Variants in SH3GLB2 observed in about 807,000 individuals in gnomAD.
The protein encoded by SH3GLB2 is endophilin-B2.
In SH3GLB2, 24 loss-of-function variants were observed where a neutral mutation model predicts 48.0. That is an observed-to-expected ratio of 0.50 (90% CI 0.36 to 0.70). The LOEUF is 0.70. SH3GLB2 is among the 30% of genes least tolerant of loss of function. SH3GLB2 has a pLI of 0.00. For missense variants in SH3GLB2, 425 were observed against 516.0 expected (o/e 0.82, Z 1.71); for synonymous variants, 227 against 207.6 (o/e 1.09, Z -0.80).
intron 7 of SH3GLB2, 52 bp downstream of exon 7, chr9:129,010,618 G>A: frequency 3.7e-6 from 6 of 1,601,676 alleles, no homozygotes; most frequent in Non-Finnish European, 5.1e-6. Flanking sequence ...AAGTGTGCCT[G>A]CACCCCGCCA....
chr9:129,018,421 C>CA (rs534036146), intron 3 of SH3GLB2, among the ~76,000 whole-genome samples: 69 of 150,396 alleles, frequency 4.6e-4, no homozygotes, highest in African/African-American at 1.6e-3. Flanking sequence ...ACTAAAAACA[C>CA]AAAAAATTAG....
intron 1 of SH3GLB2, among the ~76,000 whole-genome samples, chr9:129,025,615 A>G (rs866074587): frequency 1.3e-5 from 2 of 149,402 alleles, no homozygotes; most frequent in East Asian, 2.0e-4. Context: ...CTAAGGGAGG[A>G]AGGAAGGAAG....
At position 129,014,914 on chromosome 9, in the gene SH3GLB2, C is replaced by CGA. The variant is rs751422339; in HGVS notation, c.335-11_335-10insTC. 6 of 1,612,254 alleles carry CGA rather than the reference C, an allele frequency of 3.7e-6. No individual in the cohort carries two copies. The East Asian group carries it at 1.3e-4, about 36-fold the overall frequency. On this transcript the variant is annotated splice_polypyrimidine_tract_variant and intron_variant, in intron 3 of 10. Transcript: ENST00000372564. This position sits in a 1 kb window ranked among gnomAD's most constrained non-coding sequence, Gnocchi z 4.1. ...TTGATCAGTGTCTTCCCTGAGAAAA[C>CGA]AGAGTTGAAGCGTGAGGAAGAAGGT...
chr9:129,010,739 G>T, intron 6 of SH3GLB2, 46 bp from the exon 7 acceptor site: 2 of 1,612,334 alleles, frequency 1.2e-6, no homozygotes, highest in Non-Finnish European at 1.7e-6. Flanking sequence ...GGGGAGAGGA[G>T]GACAGCTGGA....
chr9:129,028,046 G>A, intron 1 of SH3GLB2, 46 bp downstream of exon 1: 4 of 1,485,804 alleles, frequency 2.7e-6, no homozygotes, highest in East Asian at 2.9e-5. Context: ...CTCCCCGCCC[G>A]CCGCACATCC....
At position 129,025,159 on chromosome 9, in the gene SH3GLB2, C is replaced by T. The variant is rs142145997; in HGVS notation, c.64-2736G>A. On this transcript the variant is annotated intron_variant, in intron 1 of 10. Transcript: ENST00000372564. ...GACGTGGTGGTGGGCGCCTGTAATCCCACCTACTCGGGAGGCTGAGGCAGG... is the reference window on the plus strand; with the variant it reads ...GACGTGGTGGTGGGCGCCTGTAATCTCACCTACTCGGGAGGCTGAGGCAGG... Among the ~76,000 whole-genome samples the T allele has an allele frequency of 5.3e-5, 8 of 151,368 alleles. No individual in the cohort carries two copies. In the East Asian group the frequency reaches 1.4e-3, roughly 26 times the overall value.
chr9:129,018,359 C>CCT (rs55668629), intron 3 of SH3GLB2, among the ~76,000 whole-genome samples: 2 of 151,878 alleles, frequency 1.3e-5, no homozygotes, highest in Non-Finnish European at 2.9e-5. Context: ...GGGCGGATCA[C>CCT]AAGGTCAGGA....
intron 6 of SH3GLB2, 158 bp from the exon 7 acceptor site, chr9:129,010,851 G>T: frequency 2.3e-6 from 2 of 861,078 alleles, no homozygotes; most frequent in Non-Finnish European, 3.6e-6. Context: ...CCGAGGCCCG[G>T]CATGGGAGCT....
At chr9:129,017,877 G>A (rs1588324379) in intron 3 of SH3GLB2, among the ~76,000 whole-genome samples, 1 of 144,930 alleles carries the variant, frequency 6.9e-6, no homozygotes, top group African/African-American at 2.6e-5. Flanking sequence ...CAGCCTGGGC[G>A]ACAGAGCGAG....
rs775385922 is a variant in SH3GLB2 at position 129,009,836 on chromosome 9, C to T, written c.774G>A (p.Lys258=). Residue 258 remains lysine (K), a synonymous_variant, in exon 9 of 11, where the codon AAG becomes AAA. Transcript: ENST00000372564. The part of the protein sequence containing the change: ...NHLRCLHEFV[K]SQTTYYAQCY... The stretch of plus-strand genomic sequence containing the variant: ...ACTGTGCGTAGTAGGTTGTCTGAGA[C>T]TTGACGAACTCGTGGAGGCAGCGCA... The T allele has an allele frequency of 1.2e-6, 2 of 1,614,076 alleles. No homozygotes were observed. The highest frequency in any genetic ancestry group is 1.7e-6 in the Non-Finnish European group (2 of 1,179,972).
rs1167257691 is a variant in SH3GLB2, at chr9:129,028,205, C to A, written c.-51G>T. 10 of 1,162,404 alleles carry A rather than the reference C, an allele frequency of 8.6e-6. No individual in the cohort carries two copies. Among genetic ancestry groups the A allele is most frequent in the Non-Finnish European group, 1.1e-5 (10 of 943,772 alleles). The allele number at this position is 1,162,404 out of a possible 1,614,324, so 72.0% of individuals were successfully genotyped here. A position where few individuals can be genotyped will look rare whatever the true frequency, so the allele number is the denominator to read the frequency against. Reference sequence around the variant, plus strand: ...CGGCCCGAGCGCAGCCGGCAGCCCCCGGCCCAGCCGCCGCCGCCAACCGCA... The same window carrying A: ...CGGCCCGAGCGCAGCCGGCAGCCCCAGGCCCAGCCGCCGCCGCCAACCGCA... On this transcript the variant is annotated 5_prime_UTR_variant, in exon 1 of 11. Transcript: ENST00000372564.
chr9:129,019,980 G>A (rs1843680821), intron 3 of SH3GLB2, among the ~76,000 whole-genome samples: 1 of 151,240 alleles, frequency 6.6e-6, no homozygotes, highest in Non-Finnish European at 1.5e-5. Flanking sequence ...ATGGCGGGCA[G>A]ATCACTTGAG....
rs752530205 is a variant in SH3GLB2, at chr9:129,008,662, CG to C, written c.*21del. On this transcript the variant is annotated 3_prime_UTR_variant, in exon 11 of 11. Transcript: ENST00000372564. ...ATCCTCTCCTGCCTAGGCCAGAATG[CG>C]GGGGGGATGGGGGCACCTGCCTAGC... 98 of 1,583,200 alleles carry C rather than the reference CG, an allele frequency of 6.2e-5. No individual in the cohort carries two copies. The African/African-American group carries it at 6.9e-4, about 11-fold the overall frequency.
In SH3GLB2 at chr9:129,023,118, A is replaced by G. The variant is rs551556628; in HGVS notation, c.64-695T>C. On this transcript the variant is annotated intron_variant, in intron 1 of 10. Transcript: ENST00000372564. ...GGGTCGGCTACAGTGCTGCTGCCCC[A>G]CGTAAGGCACCGGTGCTATGAGCTG... 4.3e-4 allele frequency among the ~76,000 whole-genome samples: 66 copies of G among 152,294 alleles called. No individual in the cohort carries two copies. In the South Asian group the frequency reaches 5.6e-3, roughly 13 times the overall value.
chr9:129,015,547 G>GC (rs1843369800), intron 3 of SH3GLB2, among the ~76,000 whole-genome samples: 1 of 151,996 alleles, frequency 6.6e-6, no homozygotes, highest in South Asian at 2.1e-4. Context: ...ACCAGCCCGG[G>GC]CAACATGGCA....
At chr9:129,018,734 A>G (rs1375076349) in intron 3 of SH3GLB2, among the ~76,000 whole-genome samples, 3 of 151,538 alleles carry the variant, frequency 2.0e-5, no homozygotes, top group African/African-American at 7.3e-5. Context: ...TCTACTAAAA[A>G]TACAAAAAAT....
intron 5 of SH3GLB2, chr9:129,013,426 CG>C (rs1465546627): frequency 6.5e-5 from 16 of 247,850 alleles, no homozygotes; most frequent in Non-Finnish European, 4.0e-5. Flanking sequence ...CCCGAAGTGA[CG>C]GGGGAGACTG....
intron 1 of SH3GLB2, 103 bp downstream of exon 1, chr9:129,027,989 C>A (rs1018284987): frequency 2.4e-5 from 26 of 1,105,110 alleles, no homozygotes; most frequent in Non-Finnish European, 2.3e-5. Context: ...ACGAGGGCAG[C>A]AGCCCGGGAG....
intron 3 of SH3GLB2, chr9:129,015,906 C>A: frequency 3.6e-6 from 1 of 274,092 alleles, no homozygotes; most frequent in Non-Finnish European, 7.5e-6. Flanking sequence ...TGGTTTGATT[C>A]ATCACATACA....
Sources: gnomAD v4.1 joint callset for allele counts (sites outside exome capture counted in the v4.1 genomes callset) on GRCh38, gnomAD v4.1.1 for gene constraint, Gnocchi (gnomAD v3.1) non-coding constraint, MANE v1.5 for transcripts, NCBI Gene and HGNC (gene_info 2026-07-23, HGNC 2026-07-21) for gene names.